RBFOX3: variants seen among roughly 807,000 people sequenced by gnomAD.
The protein encoded by RBFOX3 is RNA binding fox-1 homolog 3.
Under a neutral mutation model 48.7 loss-of-function variants are expected in RBFOX3, and 17 were observed. The observed-to-expected ratio is 0.35, with a 90% CI of 0.24 to 0.52. The LOEUF is 0.52. Ranked by LOEUF, RBFOX3 falls within the 20% of genes least tolerant of loss-of-function variation. The probability of loss-of-function intolerance (pLI) is 0.94; values close to 1 mark genes in which losing one functional copy is unlikely to be tolerated. For synonymous variants in RBFOX3, 212 were observed against 209.5 expected (o/e 1.01, Z -0.10); for missense variants, 382 against 497.5 (o/e 0.77, Z 2.21).
intron 4 of RBFOX3, among the ~76,000 whole-genome samples, chr17:79,209,021 G>A (rs1351115639): frequency 7.9e-5 from 12 of 151,766 alleles, no homozygotes; most frequent in Admixed American, 2.6e-4. Flanking sequence ...GGGTTTCACC[G>A]TGTTAGCCAG....
At chr17:79,218,020 G>A (rs919494513) in intron 4 of RBFOX3, among the ~76,000 whole-genome samples, 1 of 152,134 alleles carries the variant, frequency 6.6e-6, no homozygotes, top group Admixed American at 6.5e-5. Context: ...GGGAAGTCGG[G>A]GTAGAGGGAG....
chr17:79,591,671 G>A lies in RBFOX3; in HGVS notation c.-320+19155C>T, dbSNP rs969774500. On this transcript the variant is annotated intron_variant, in intron 1 of 14. Coordinates refer to ENST00000693108, the MANE Select transcript of RBFOX3 (RefSeq NM_001350451.2). ...TGTTGGGTCACCGCCTTTGCTTGGA[G>A]CCCCTGAAAACAGAGCCTGGGGCAA... 2.4e-4 allele frequency among the ~76,000 whole-genome samples: 37 copies of A among 152,312 alleles called. No individual in the cohort carries two copies. The Middle Eastern group carries it at 0.014, about 56-fold the overall frequency.
chr17:79,548,996 G>C (rs143080761), intron 1 of RBFOX3, among the ~76,000 whole-genome samples: 1 of 152,336 alleles, frequency 6.6e-6, no homozygotes, highest in African/African-American at 2.4e-5. Flanking sequence ...TCTTCTCCAG[G>C]CTGTGAGGTG....
rs549056696 is a variant in RBFOX3 at position 79,293,283 on chromosome 17, C to T, written c.-74+14441G>A. ...AATGTTCCAAGTTACTCATCTGCTGCTCACATCAAGACCGATCTTTGCTTC... is the reference window on the plus strand; with the variant it reads ...AATGTTCCAAGTTACTCATCTGCTGTTCACATCAAGACCGATCTTTGCTTC... On this transcript the variant is annotated intron_variant, in intron 3 of 14. Transcript: ENST00000693108. Among the ~76,000 whole-genome samples the T allele has an allele frequency of 4.6e-5, 7 of 152,306 alleles. No homozygotes were observed. The East Asian group carries it at 9.6e-4, about 21-fold the overall frequency.
intron 4 of RBFOX3, among the ~76,000 whole-genome samples, chr17:79,141,151 C>T (rs62062314): frequency 0.029 from 4,473 of 152,314 alleles, 94 homozygotes; most frequent in African/African-American, 0.055. Context: ...GAACGGAGGC[C>T]TGAGAGCTCC....
rs887578835 is a variant in RBFOX3 at position 79,249,032 on chromosome 17, C to T, written c.-73-13227G>A. ...TCGGCTGGGATGCGGTGCGGTCTTC[C>T]GCCAGCGGGGCCAGAACCCAGAGCG... On this transcript the variant is annotated intron_variant, in intron 3 of 14. Transcript: ENST00000693108. This position sits in a 1 kb window ranked among gnomAD's most constrained non-coding sequence, Gnocchi z 4.1. Among the ~76,000 whole-genome samples, 39 of 152,230 alleles carry T rather than the reference C, an allele frequency of 2.6e-4. No homozygotes were observed. The highest frequency in any genetic ancestry group is 8.3e-4 in the South Asian group (4 of 4,834).
At chr17:79,445,140 C>T (rs1475897208) in intron 2 of RBFOX3, among the ~76,000 whole-genome samples, 7 of 152,146 alleles carry the variant, frequency 4.6e-5, no homozygotes, top group African/African-American at 1.7e-4. Context: ...ATTTTGTGGA[C>T]CTTTTCATCA....
chr17:79,556,761 T>C (rs1478857164), intron 1 of RBFOX3, among the ~76,000 whole-genome samples: 2 of 152,136 alleles, frequency 1.3e-5, no homozygotes, highest in African/African-American at 4.8e-5. Context: ...CGTCTTGAGA[T>C]GGCAAAATTC....
chr17:79,625,768 A>T, the RBFOX3 span, among the ~76,000 whole-genome samples: 2 of 152,184 alleles, frequency 1.3e-5, no homozygotes, highest in South Asian at 4.1e-4. Flanking sequence ...CTCCAGCCTG[A>T]GCAACAAGAG....
chr17:79,487,711 A>C (rs2079843249), intron 1 of RBFOX3, among the ~76,000 whole-genome samples: 1 of 151,930 alleles, frequency 6.6e-6, no homozygotes, highest in Non-Finnish European at 1.5e-5. Context: ...GGAGTTTGAG[A>C]CCATCCTGGC....
chr17:79,540,439 T>G (rs1555789914), intron 1 of RBFOX3, among the ~76,000 whole-genome samples: 1 of 152,106 alleles, frequency 6.6e-6, no homozygotes. Flanking sequence ...CTCCTTAAGG[T>G]GCATGGCGTC....
intron 1 of RBFOX3, among the ~76,000 whole-genome samples, chr17:79,584,804 C>A (rs1438051269): frequency 6.6e-6 from 1 of 151,424 alleles, no homozygotes; most frequent in Non-Finnish European, 1.5e-5. Context: ...CTCACTCTGT[C>A]GCCCAGGCTG....
At chr17:79,589,897 G>GTCA (rs2093367724) in intron 1 of RBFOX3, among the ~76,000 whole-genome samples, 1 of 152,196 alleles carries the variant, frequency 6.6e-6, no homozygotes, top group African/African-American at 2.4e-5. Flanking sequence ...GAGAACGGAT[G>GTCA]TGCCTCAGTG....
At chr17:79,213,761 G>A (rs2058671357) in intron 4 of RBFOX3, among the ~76,000 whole-genome samples, 1 of 152,154 alleles carries the variant, frequency 6.6e-6, no homozygotes. Flanking sequence ...CTCCTCTCTT[G>A]GACTCCCACC....
chr17:79,419,892 C>T lies in RBFOX3; in HGVS notation c.-175+62562G>A, dbSNP rs929908845. Among the ~76,000 whole-genome samples, 4 of 152,114 alleles carry T rather than the reference C, an allele frequency of 2.6e-5. No homozygotes were observed. In the East Asian group the frequency reaches 5.8e-4, roughly 22 times the overall value. ...CTGTAATCCCAGCACTTTGGGAGGC[C>T]GAGGCAGGCAGACTGCCTCAGCTCA... On this transcript the variant is annotated intron_variant, in intron 2 of 14. Coordinates refer to ENST00000693108, the MANE Select transcript of RBFOX3 (RefSeq NM_001350451.2).
At chr17:79,356,687 T>TA (rs1359830274) in intron 2 of RBFOX3, among the ~76,000 whole-genome samples, 1 of 151,136 alleles carries the variant, frequency 6.6e-6, no homozygotes, top group African/African-American at 2.4e-5. Context: ...TTTTTTTTTT[T>TA]ATGCCATCAG....
At chr17:79,106,948 G>T (rs149419470) in intron 5 of RBFOX3, among the ~76,000 whole-genome samples, 160 bp from the exon 6 acceptor site, 22 of 152,218 alleles carry the variant, frequency 1.4e-4, no homozygotes, top group African/African-American at 5.3e-4. Context: ...CTGGGCAGAC[G>T]GTTCCCATGA....
the RBFOX3 span, among the ~76,000 whole-genome samples, chr17:79,639,244 G>A: frequency 4.3e-4 from 65 of 151,652 alleles, no homozygotes; most frequent in East Asian, 9.3e-3. Context: ...GCGCAATCTC[G>A]GCTCACTGCA....
intron 1 of RBFOX3, among the ~76,000 whole-genome samples, chr17:79,570,225 T>A (rs946923198): frequency 6.6e-6 from 1 of 150,662 alleles, no homozygotes; most frequent in Non-Finnish European, 1.5e-5. Flanking sequence ...GATAGATGAA[T>A]TATAGATGGA....
Sources: allele counts gnomAD v4.1 joint callset (sites outside exome capture counted in the v4.1 genomes callset), GRCh38; gene constraint gnomAD v4.1.1; non-coding constraint Gnocchi (gnomAD v3.1); transcripts MANE v1.5; gene names NCBI Gene and HGNC (gene_info 2026-07-23, HGNC 2026-07-21).